Variants in IFT172 observed in about 807,000 individuals in gnomAD.
IFT172 encodes the protein intraflagellar transport protein 172 homolog.
A neutral mutation model predicts 248.9 loss-of-function variants in IFT172; 164 were observed. That is an observed-to-expected ratio of 0.66 (90% CI 0.58 to 0.75). The LOEUF (loss-of-function observed/expected upper bound fraction) is 0.75. IFT172 is among the 30% of genes least tolerant of loss of function. The pLI is 0.00. For missense variants in IFT172, 1,950 were observed against 2,192.4 expected (o/e 0.89, Z 2.21); for synonymous variants, 729 against 791.6 (o/e 0.92, Z 1.33).
rs566830176 is a variant in IFT172, at chr2:27,458,860, C to T, written c.2796G>A (p.Glu932=). The change falls in exon 26 of 48, where the codon GAG becomes GAA. Residue 932 remains glutamate (E), a synonymous_variant. Coordinates refer to ENST00000260570, the MANE Select transcript of IFT172 (RefSeq NM_015662.3). ...TCCGATCTCCCTTAGTATAGAGCTC[C>T]TCAGCAATCTGTAGTTGATGGGAGG... ...YASLQEYEIA[E]ELYTKGDRTK... 4.3e-6 allele frequency: 7 copies of T among 1,614,030 alleles called. No homozygotes were observed. The East Asian group carries it at 1.3e-4, about 31-fold the overall frequency.
rs1279516406 is a variant in IFT172, at chr2:27,473,239, T to G, written c.1412-877A>C. 4.1e-5 allele frequency among the ~76,000 whole-genome samples: 6 copies of G among 146,604 alleles called. No homozygotes were observed. In the East Asian group the frequency reaches 6.8e-4, roughly 17 times the overall value. On this transcript the variant is annotated intron_variant, in intron 14 of 47. Transcript: ENST00000260570. ...AAAAAAATTAGCTGGGCGTGGTGGC[T>G]GGCACCTGTAGTCCCAGCTACTCGG... is the stretch of plus-strand genomic sequence containing the variant.
At chr2:27,458,992 G>A in intron 25 of IFT172, 124 bp from the exon 26 acceptor site, 1 of 955,148 alleles carries the variant, frequency 1.0e-6, no homozygotes, top group East Asian at 2.5e-5. Context: ...TAATAATAGA[G>A]AAGAAAAGAT....
Position 27,480,114 on chromosome 2 carries a change from A to C in IFT172, c.821T>G (p.Ile274Ser). 1.2e-6 allele frequency: 2 copies of C among 1,614,094 alleles called. No individual in the cohort carries two copies. The highest frequency in any genetic ancestry group is 8.5e-7 in the Non-Finnish European group (1 of 1,179,972). Residue 274 changes from isoleucine (I) to serine (S), a missense_variant, in exon 9 of 48, where the codon ATC becomes AGC. Around this residue, in one of 3 missense-constraint regions of IFT172, gnomAD observed 1,166 missense variants for 1,254.1 expected, o/e 0.93. Coordinates refer to ENST00000260570, the MANE Select transcript of IFT172 (RefSeq NM_015662.3). The stretch of plus-strand genomic sequence containing the variant: ...CTCCTTGGGCTTTGCCTCTTCCCAG[A>C]TGCTTCTTCGAGGGATCCAGTTGAA... ...RVFNWIPRRS[I>S]WEEAKPKEIT...
chr2:27,476,668 G>C lies in IFT172; in HGVS notation c.1384C>G (p.Leu462Val). 6.2e-7 allele frequency: 1 copy of C among 1,605,938 alleles called. No homozygotes were observed. Among genetic ancestry groups the C allele is most frequent in the Non-Finnish European group, 8.5e-7 (1 of 1,172,720 alleles). ...ATAGCAATAGTCTTAATATCAATAA[G>C]ATAAGCCAATTTCTTATTATCTTCT... ...GTEDNKKLAYLIDIKTIAIVD... is the reference protein window; with the variant it reads ...GTEDNKKLAYVIDIKTIAIVD... Residue 462 changes from leucine (L) to valine (V), a missense_variant, in exon 14 of 48, where the codon CTT (leucine) becomes GTT (valine). Coordinates refer to ENST00000260570, the MANE Select transcript of IFT172 (RefSeq NM_015662.3).
Position 27,453,712 on chromosome 2 carries a change from G to A in IFT172, c.3739C>T (p.Arg1247Cys), listed in dbSNP as rs375755957. 14 of 1,612,176 alleles carry A rather than the reference G, an allele frequency of 8.7e-6. No homozygotes were observed. The highest frequency in any genetic ancestry group is 1.7e-5 in the Admixed American group (1 of 59,430). Residue 1247 changes from arginine to cysteine, a missense_variant, in exon 34 of 48, where the codon CGC becomes TGC. Transcript: ENST00000260570. ...KEAGLWSDAL[R>C]ICKDYVPSQL... ...CTGGGCACATAGTCCTTGCAGATGC[G>A]CAGAGCGTCACTCCATAATCCAGCC...
chr2:27,483,607 T>A lies in IFT172; in HGVS notation c.455A>T (p.Glu152Val). ...TGTTGTCAGGGACACCACGTAAGACTCTGTCCCATAGATGGTAGATGATTT... is the reference window on the plus strand; with the variant it reads ...TGTTGTCAGGGACACCACGTAAGACACTGTCCCATAGATGGTAGATGATTT... ...TNKSSTIYGT[E>V]SYVVSLTTNC... Residue 152 changes from glutamate to valine, a missense_variant, in exon 6 of 48, where the codon GAG (glutamate) becomes GTG (valine). Glu to Val is a moderately radical substitution (Grantham distance 121). Around this residue, in one of 3 missense-constraint regions of IFT172, gnomAD observed 1,166 missense variants for 1,254.1 expected, o/e 0.93. Coordinates refer to ENST00000260570, the MANE Select transcript of IFT172 (RefSeq NM_015662.3). 1 of 1,614,196 alleles carries A rather than the reference T, an allele frequency of 6.2e-7. No homozygotes were observed. The highest frequency in any genetic ancestry group is 1.7e-5 in the Admixed American group (1 of 60,016).
At position 27,444,458 on chromosome 2, in the gene IFT172, G is replaced by A; in HGVS notation, c.5224C>T (p.Pro1742Ser). The change falls in exon 48 of 48, where the codon CCC becomes TCC. Residue 1742 changes from proline (P) to serine (S), a missense_variant. This residue lies in a region of IFT172 where 620 missense variants were observed against 699.0 expected (regional missense o/e 0.89). Transcript: ENST00000260570. Reference protein sequence around the residue: ...KFISQWCGGLPSTSFSFQ With the variant: ...KFISQWCGGLSSTSFSFQ Reference sequence around the variant, plus strand: ...TACTGAAAGGAAAAGCTGGTGCTGGGGAGCCCTCCACACCACTGACTGATG... The same window carrying A: ...TACTGAAAGGAAAAGCTGGTGCTGGAGAGCCCTCCACACCACTGACTGATG... 2 of 1,613,404 alleles carry A rather than the reference G, an allele frequency of 1.2e-6. No individual in the cohort carries two copies. The highest frequency in any genetic ancestry group is 1.7e-6 in the Non-Finnish European group (2 of 1,179,662).
intron 39 of IFT172, 22 bp downstream of exon 39, chr2:27,449,270 CTG>C (rs1228697669): frequency 6.2e-7 from 1 of 1,613,520 alleles, no homozygotes; most frequent in African/African-American, 1.3e-5. Context: ...TAAAGAAAAA[CTG>C]GGAATGGGAA....
In IFT172 at chr2:27,471,112, C is replaced by G. The variant is rs187471043; in HGVS notation, c.1525-17G>C. 4 of 1,603,910 alleles carry G rather than the reference C, an allele frequency of 2.5e-6. No individual in the cohort carries two copies. The African/African-American group carries it at 5.4e-5, about 22-fold the overall frequency. On this transcript the variant is annotated splice_polypyrimidine_tract_variant and intron_variant, in intron 15 of 47. Coordinates refer to ENST00000260570, the MANE Select transcript of IFT172 (RefSeq NM_015662.3). ...CAGATGCAACTGAAGAAAGAAAAGG[C>G]AGGTAACACAATTACAAGGGGATGT...
intron 20 of IFT172, 60 bp from the exon 21 acceptor site, chr2:27,461,896 C>G (rs924711974): frequency 6.3e-7 from 1 of 1,592,032 alleles, no homozygotes. Context: ...CAGAAAGCAG[C>G]AAGCTCTCCT....
At chr2:27,459,088 A>G in intron 25 of IFT172, 1 of 623,522 alleles carries the variant, frequency 1.6e-6, no homozygotes, top group South Asian at 2.2e-5. Context: ...ACATTTCTGC[A>G]ATGCAAAGCA....
In IFT172 at chr2:27,445,700, C is replaced by G. The variant is rs375671477; in HGVS notation, c.4914+45G>C. ...AAAGATATTCTCCCTCCTCAAGGCA[C>G]TCACACTGGTGAGGCCTTCCGGTTT... On this transcript the variant is annotated intron_variant, in intron 45 of 47. Transcript: ENST00000260570. This position sits in a 1 kb window ranked among gnomAD's most constrained non-coding sequence, Gnocchi z 4.4. The G allele has an allele frequency of 6.2e-7, 1 of 1,602,002 alleles. No individual in the cohort carries two copies. Among genetic ancestry groups the G allele is most frequent in the East Asian group, 2.2e-5 (1 of 44,826 alleles).
In IFT172 at chr2:27,476,882, G is replaced by A. The variant is rs148442389; in HGVS notation, c.1326-156C>T. 2.4e-4 allele frequency: 146 copies of A among 617,326 alleles called. 2 individuals are homozygous for A. In the East Asian group the frequency reaches 4.1e-3, roughly 17 times the overall value. The allele number at this position is 617,326 out of a possible 1,614,324, so 38.2% of individuals were successfully genotyped here. A position where few individuals can be genotyped will look rare whatever the true frequency, so the allele number is the denominator to read the frequency against. Reference sequence around the variant, plus strand: ...TGGTTGCCAAAGCTGAAGTGCAGTGGTGTGATCACGGCTCACTACAGCTTT... The same window carrying A: ...TGGTTGCCAAAGCTGAAGTGCAGTGATGTGATCACGGCTCACTACAGCTTT... On this transcript the variant is annotated intron_variant, in intron 13 of 47. Transcript: ENST00000260570.
chr2:27,489,722 C>T lies in IFT172; in HGVS notation c.-69G>A. 8.0e-7 allele frequency: 1 copy of T among 1,244,650 alleles called. No individual in the cohort carries two copies. Among genetic ancestry groups the T allele is most frequent in the Non-Finnish European group, 1.2e-6 (1 of 858,992 alleles). 77.1% of individuals were successfully genotyped at this position (1,244,650 alleles called of 1,614,324 possible). ...CCGTGGTTACCTGGACAACCCGCCA[C>T]GCAGCCGCAGCGACAGGCACTGACG... On this transcript the variant is annotated 5_prime_UTR_variant, in exon 1 of 48. It adds an upstream start codon to the 5' untranslated region. Transcript: ENST00000260570.
At chr2:27,477,375 G>C in intron 12 of IFT172, 55 bp from the exon 13 acceptor site, 3 of 1,459,302 alleles carry the variant, frequency 2.1e-6, no homozygotes, top group South Asian at 2.3e-5. Flanking sequence ...AAAAACAGTA[G>C]TGGGAGGTGT....
Position 27,476,703 on chromosome 2 carries a change from T to A in IFT172, c.1349A>T (p.Gln450Leu), listed in dbSNP as rs1356156155. 6.2e-7 allele frequency: 1 copy of A among 1,612,696 alleles called. No individual in the cohort carries two copies. Among genetic ancestry groups the A allele is most frequent in the Non-Finnish European group, 8.5e-7 (1 of 1,178,808 alleles). ...LISVRINERC[Q>L]RGTEDNKKLA... ...TTTCTTATTATCTTCTGTTCCTCGC[T>A]GACACCTCTCATTAATACGAACACT... The change falls in exon 14 of 48, where the codon CAG (glutamine) becomes CTG (leucine). Residue 450 changes from glutamine to leucine, a missense_variant. Coordinates refer to ENST00000260570, the MANE Select transcript of IFT172 (RefSeq NM_015662.3).
intron 26 of IFT172, 127 bp downstream of exon 26, chr2:27,458,652 G>C: frequency 9.5e-7 from 1 of 1,051,514 alleles, no homozygotes; most frequent in Non-Finnish European, 1.4e-6. Flanking sequence ...AAGTGGCTCA[G>C]ACTGTTTTTT....
intron 16 of IFT172, among the ~76,000 whole-genome samples, chr2:27,467,270 G>A (rs1384927494): frequency 6.6e-6 from 1 of 151,542 alleles, no homozygotes; most frequent in Admixed American, 6.6e-5. Flanking sequence ...AATCGAAACA[G>A]ATCTACAGAA....
intron 23 of IFT172, 47 bp downstream of exon 23, chr2:27,460,967 TG>T: frequency 1.2e-6 from 2 of 1,612,066 alleles, no homozygotes; most frequent in South Asian, 2.2e-5. Context: ...GGGAACCAGA[TG>T]GGCAAGAGTC....
Sources: gnomAD v4.1 joint callset for allele counts (sites outside exome capture counted in the v4.1 genomes callset) on GRCh38, gnomAD v4.1.1 for gene constraint, gnomAD v4.1.1 regional missense constraint, Gnocchi (gnomAD v3.1) non-coding constraint, MANE v1.5 for transcripts, NCBI Gene and HGNC (gene_info 2026-07-23, HGNC 2026-07-21) for gene names.